Variants in ELOVL6 observed in about 807,000 individuals in gnomAD.
ELOVL6 encodes the protein very long chain fatty acid elongase 6.
A neutral mutation model predicts 31.7 loss-of-function variants in ELOVL6; 8 were observed. The observed-to-expected ratio is 0.25, with a 90% CI of 0.15 to 0.45. ELOVL6 has a LOEUF of 0.45. Among genes scored for constraint, ELOVL6 ranks in the 20% least tolerant of loss-of-function variants. The pLI, the probability that ELOVL6 is intolerant of heterozygous loss-of-function variation, is 1.00. For synonymous variants in ELOVL6, 101 were observed against 117.7 expected (o/e 0.86, Z 0.92); for missense variants, 126 against 326.4 (o/e 0.39, Z 4.73).
intron 2 of ELOVL6, among the ~76,000 whole-genome samples, chr4:110,070,705 G>A (rs549213212): frequency 4.6e-5 from 7 of 152,184 alleles, no homozygotes; most frequent in African/African-American, 7.2e-5. Context: ...GAGTCCTCAC[G>A]AGATCTGGTT....
chr4:110,093,756 A>G (rs911632495), intron 2 of ELOVL6, among the ~76,000 whole-genome samples: 1 of 152,214 alleles, frequency 6.6e-6, no homozygotes, highest in Non-Finnish European at 1.5e-5. Flanking sequence ...CATAGAGTGC[A>G]GTGGGACGAG....
At chr4:110,081,344 A>C (rs569745016) in intron 2 of ELOVL6, among the ~76,000 whole-genome samples, 1 of 152,338 alleles carries the variant, frequency 6.6e-6, no homozygotes, top group East Asian at 1.9e-4. Context: ...TTCAAACTAT[A>C]CTACAAGGCT....
At chr4:110,095,424 G>A (rs1012821718) in intron 2 of ELOVL6, among the ~76,000 whole-genome samples, 1 of 150,948 alleles carries the variant, frequency 6.6e-6, no homozygotes, top group African/African-American at 2.4e-5. Context: ...AGAGGTTGCA[G>A]TGAGCCTAGA....
chr4:110,189,304 A>G (rs1259693173), intron 1 of ELOVL6, among the ~76,000 whole-genome samples: 1 of 151,852 alleles, frequency 6.6e-6, no homozygotes, highest in South Asian at 2.1e-4. Flanking sequence ...AGAGAGAGAG[A>G]GGCTAGACGC....
intron 1 of ELOVL6, among the ~76,000 whole-genome samples, chr4:110,113,592 CAAAACA>C (rs1254271437): frequency 6.6e-6 from 1 of 152,048 alleles, no homozygotes. Flanking sequence ...AAGCCAAAAA[CAAAACA>C]AAAAGTCATT....
intron 1 of ELOVL6, among the ~76,000 whole-genome samples, chr4:110,125,638 T>C (rs1292060175): frequency 1.3e-5 from 2 of 150,656 alleles, no homozygotes; most frequent in Non-Finnish European, 1.5e-5. Flanking sequence ...CTGGTCAACA[T>C]AGTGAAACCC....
chr4:110,083,584 T>G (rs1166119501), intron 2 of ELOVL6, among the ~76,000 whole-genome samples: 4 of 151,702 alleles, frequency 2.6e-5, no homozygotes, highest in Non-Finnish European at 5.9e-5. Flanking sequence ...CTAACTGCAC[T>G]GTACAAGCAT....
chr4:110,138,230 T>C (rs1158192617), intron 1 of ELOVL6, among the ~76,000 whole-genome samples: 2 of 152,244 alleles, frequency 1.3e-5, no homozygotes, highest in Non-Finnish European at 2.9e-5. Context: ...ACCTCTTTCT[T>C]CATGGCCTTG....
At chr4:110,152,462 C>A (rs1357885130) in intron 1 of ELOVL6, among the ~76,000 whole-genome samples, 1 of 152,302 alleles carries the variant, frequency 6.6e-6, no homozygotes, top group Non-Finnish European at 1.5e-5. Flanking sequence ...TTAAAAAGAA[C>A]AAAGGGTTCT....
intron 2 of ELOVL6, among the ~76,000 whole-genome samples, chr4:110,087,818 AC>A (rs1553956522): frequency 6.7e-6 from 1 of 148,624 alleles, no homozygotes; most frequent in African/African-American, 2.6e-5. Context: ...AAAAAAAAAA[AC>A]CTCCTATTTT....
intron 2 of ELOVL6, among the ~76,000 whole-genome samples, chr4:110,085,064 AT>A (rs1260599936): frequency 6.6e-6 from 1 of 152,162 alleles, no homozygotes; most frequent in Non-Finnish European, 1.5e-5. Context: ...GGCTAAGAAC[AT>A]TTTTATAAAA....
At chr4:110,165,865 T>C (rs1007464282) in intron 1 of ELOVL6, among the ~76,000 whole-genome samples, 2 of 152,288 alleles carry the variant, frequency 1.3e-5, no homozygotes, top group Non-Finnish European at 1.5e-5. Context: ...GACAATCCTA[T>C]ATCCTCTGCC....
At chr4:110,165,128 A>C (rs17041402) in intron 1 of ELOVL6, among the ~76,000 whole-genome samples, 4,806 of 152,300 alleles carry the variant, frequency 0.032, 88 homozygotes, top group Middle Eastern at 0.065. Flanking sequence ...TTCTTCAAAA[A>C]GAGGACTGGT....
chr4:110,055,013 C>T (rs1754940326), intron 3 of ELOVL6, among the ~76,000 whole-genome samples: 1 of 152,186 alleles, frequency 6.6e-6, no homozygotes, highest in South Asian at 2.1e-4. Flanking sequence ...CACCATTCAA[C>T]ACCCTATCAG....
intron 1 of ELOVL6, among the ~76,000 whole-genome samples, chr4:110,170,910 T>C (rs1225167746): frequency 6.6e-6 from 1 of 152,092 alleles, no homozygotes; most frequent in Non-Finnish European, 1.5e-5. Context: ...CCTCAAAAAA[T>C]GGAATCTCTC....
intron 2 of ELOVL6, among the ~76,000 whole-genome samples, chr4:110,097,305 CAAAA>C (rs33970271): frequency 0.01 from 896 of 88,698 alleles, 4 homozygotes; most frequent in Non-Finnish European, 0.016. Context: ...ACTCCATCTC[CAAAA>C]AAAAAAAAAA....
chr4:110,119,623 C>T (rs1248720302), intron 1 of ELOVL6, among the ~76,000 whole-genome samples: 3 of 152,172 alleles, frequency 2.0e-5, no homozygotes, highest in Non-Finnish European at 4.4e-5. Flanking sequence ...GCTTAGAAGA[C>T]TTTTATCTAT....
intron 1 of ELOVL6, among the ~76,000 whole-genome samples, chr4:110,120,448 G>C (rs1226726062): frequency 6.6e-6 from 1 of 151,898 alleles, no homozygotes; most frequent in Non-Finnish European, 1.5e-5. Context: ...ATGTCTGAGT[G>C]TGATAACAAT....
intron 1 of ELOVL6, among the ~76,000 whole-genome samples, chr4:110,135,325 A>G (rs765824545): frequency 3.9e-5 from 6 of 152,194 alleles, no homozygotes; most frequent in Non-Finnish European, 7.3e-5. Context: ...CCATTTGCAG[A>G]TAAAGAAATG....
Sources: allele counts gnomAD v4.1 joint callset (sites outside exome capture counted in the v4.1 genomes callset), GRCh38; gene constraint gnomAD v4.1.1; transcripts MANE v1.5; gene names NCBI Gene and HGNC (gene_info 2026-07-23, HGNC 2026-07-21).